SLC35F5: variants seen among roughly 807,000 people sequenced by gnomAD.
The protein encoded by SLC35F5 is solute carrier family 35 member F5.
In SLC35F5, 54 loss-of-function variants were observed where a neutral mutation model predicts 68.6. That is an observed-to-expected ratio of 0.79 (90% CI 0.63 to 0.99). The LOEUF is 0.99. Ranked by LOEUF, SLC35F5 falls within the 50% of genes least tolerant of loss-of-function variation. SLC35F5 has a pLI of 0.00. For synonymous variants in SLC35F5, 211 were observed against 205.2 expected, an observed-to-expected ratio of 1.03 and a Z score of -0.24; for missense variants, 567 against 626.9, an observed-to-expected ratio of 0.90 and a Z score of 1.02.
chr2:113,751,873 T>G (rs931950094), intron 3 of SLC35F5, among the ~76,000 whole-genome samples: 3 of 151,964 alleles, frequency 2.0e-5, no homozygotes, highest in Non-Finnish European at 4.4e-5. Flanking sequence ...GCAGAAAATG[T>G]ACAAGATGGG....
Position 113,708,390 on chromosome 2 carries a change from C to T in SLC35F5, c.*6828G>A, listed in dbSNP as rs1686862284. Among the ~76,000 whole-genome samples, 1 of 152,158 alleles carries T rather than the reference C, an allele frequency of 6.6e-6. No individual in the cohort carries two copies. Among genetic ancestry groups the T allele is most frequent in the African/African-American group, 2.4e-5 (1 of 41,420 alleles). On this transcript the variant is annotated 3_prime_UTR_variant, in exon 16 of 16. Coordinates refer to ENST00000245680, the MANE Select transcript of SLC35F5 (RefSeq NM_025181.5). ...GATTATAAATTCACAATAGTGAACACCCTAGTGACAACTTTTAAATAAAAT... is the reference window on the plus strand; with the variant it reads ...GATTATAAATTCACAATAGTGAACATCCTAGTGACAACTTTTAAATAAAAT...
At chr2:113,732,681 T>C (rs1458197273) in intron 9 of SLC35F5, among the ~76,000 whole-genome samples, 1 of 152,194 alleles carries the variant, frequency 6.6e-6, no homozygotes, top group Non-Finnish European at 1.5e-5. Context: ...TTTGTTTCCA[T>C]TTAAATGATG....
chr2:113,705,104 T>TCTA (rs1686772169), downstream of SLC35F5: 1 of 152,242 alleles, frequency 6.6e-6, no homozygotes, highest in Non-Finnish European at 1.5e-5. Flanking sequence ...TTAAGAAACA[T>TCTA]GGGGCATATA....
At chr2:113,749,772 T>C (rs1438288390) in intron 4 of SLC35F5, among the ~76,000 whole-genome samples, 1 of 152,172 alleles carries the variant, frequency 6.6e-6, no homozygotes, top group Non-Finnish European at 1.5e-5. Context: ...CATTTAAAAA[T>C]AGTTAAAATG....
intron 3 of SLC35F5, among the ~76,000 whole-genome samples, chr2:113,752,418 A>T (rs910380283): frequency 6.6e-6 from 1 of 152,210 alleles, no homozygotes; most frequent in African/African-American, 2.4e-5. Flanking sequence ...AATTGGCATC[A>T]TCTAAAGTGA....
Position 113,719,241 on chromosome 2 carries a change from A to G in SLC35F5, c.1409T>C (p.Leu470Pro). ...ATCCCAATTATTATAATGGCATAGG[A>G]GAGTTACAATAAAAAATGAAAAAAA... ...PVFFSFFIVT[L>P]LCHYNNWDPV... Residue 470 changes from leucine (L) to proline (P), a missense_variant, in exon 14 of 16, where the codon CTC (leucine) becomes CCC (proline). Physicochemically the swap from Leu to Pro is moderately conservative, Grantham distance 98. Transcript: ENST00000245680. 1 of 1,603,306 alleles carries G rather than the reference A, an allele frequency of 6.2e-7. No individual in the cohort carries two copies. Among genetic ancestry groups the G allele is most frequent in the South Asian group, 1.1e-5 (1 of 89,128 alleles).
At chr2:113,752,934 C>T (rs1055243652) in intron 3 of SLC35F5, among the ~76,000 whole-genome samples, 2 of 151,902 alleles carry the variant, frequency 1.3e-5, no homozygotes, top group African/African-American at 2.4e-5. Context: ...GGAAAGAAAT[C>T]GTGGGTGAAA....
chr2:113,737,422 C>T (rs867524607), intron 7 of SLC35F5, among the ~76,000 whole-genome samples: 2 of 152,158 alleles, frequency 1.3e-5, no homozygotes, highest in African/African-American at 4.8e-5. Flanking sequence ...AATGAGTTAA[C>T]AATTGATGGG....
intron 11 of SLC35F5, 128 bp from the exon 12 acceptor site, chr2:113,725,665 GT>G (rs1687631940): frequency 1.2e-6 from 1 of 805,510 alleles, no homozygotes; most frequent in African/African-American, 1.8e-5. Context: ...TAAAACTTCT[GT>G]TGGTTTGTTT....
intron 9 of SLC35F5, chr2:113,733,360 C>A: frequency 2.8e-6 from 1 of 359,734 alleles, no homozygotes; most frequent in Non-Finnish European, 5.7e-6. Context: ...TGTCAAAATA[C>A]TTACAAGTTC....
rs758783800 is a variant in SLC35F5, at chr2:113,746,345, T to C, written c.418-6A>G. The C allele has an allele frequency of 1.9e-6, 3 of 1,608,840 alleles. No individual in the cohort carries two copies. The highest frequency in any genetic ancestry group is 2.2e-5 in the East Asian group (1 of 44,822). ...TAACCTTCAGCATCTGCAAACTAAA[T>C]ACAGATAACAAGATACAAAATTCAA... On this transcript the variant is annotated splice_polypyrimidine_tract_variant and splice_region_variant and intron_variant, in intron 4 of 15. Transcript: ENST00000245680.
chr2:113,721,955 C>T (rs1191555302), intron 13 of SLC35F5, among the ~76,000 whole-genome samples: 4 of 146,190 alleles, frequency 2.7e-5, no homozygotes, highest in East Asian at 3.9e-4. Flanking sequence ...GAGCACTAAG[C>T]ATATTTTGCT....
downstream of SLC35F5, among the ~76,000 whole-genome samples, chr2:113,704,809 G>A (rs1574190129): frequency 6.6e-6 from 1 of 152,100 alleles, no homozygotes. Context: ...CCCGCAAGCT[G>A]GGGGAGCCGC....
At position 113,712,469 on chromosome 2, in the gene SLC35F5, C is replaced by T. The variant is rs1389974334; in HGVS notation, c.*2749G>A. Among the ~76,000 whole-genome samples, 1 of 152,118 alleles carries T rather than the reference C, an allele frequency of 6.6e-6. No individual in the cohort carries two copies. The highest frequency in any genetic ancestry group is 1.5e-5 in the Non-Finnish European group (1 of 68,014). ...GCAGCTGGGACTACAGGCGCCGCCA[C>T]CACGCCCGGCTAATTCTTTGTATTT... On this transcript the variant is annotated 3_prime_UTR_variant, in exon 16 of 16. Coordinates refer to ENST00000245680, the MANE Select transcript of SLC35F5 (RefSeq NM_025181.5).
Position 113,755,512 on chromosome 2 carries a change from TCA to T in SLC35F5, c.71_72del (p.Leu24GlnfsTer11). 6.2e-7 allele frequency: 1 copy of T among 1,614,002 alleles called. No individual in the cohort carries two copies. Among genetic ancestry groups the T allele is most frequent in the Non-Finnish European group, 8.5e-7 (1 of 1,179,992 alleles). On this transcript the variant is annotated frameshift_variant, in exon 2 of 16. Coordinates refer to ENST00000245680, the MANE Select transcript of SLC35F5 (RefSeq NM_025181.5). LOFTEE classifies it high-confidence loss of function. ...GVLSSSPPFR[L>X]RSAKFSGIAL... ...GCAATGCCGGAAAACTTGGCAGATC[TCA>T]GTCTAAAAGGAGGTGAAGAACTCAG...
In SLC35F5 at chr2:113,729,482, C is replaced by A. The variant is rs2104432330; in HGVS notation, c.1009G>T (p.Ala337Ser). The A allele has an allele frequency of 6.3e-7, 1 of 1,592,488 alleles. No homozygotes were observed. The highest frequency in any genetic ancestry group is 8.5e-7 in the Non-Finnish European group (1 of 1,170,242). Residue 337 changes from alanine (A) to serine (S), a missense_variant, in exon 11 of 16, where the codon GCC becomes TCC. Coordinates refer to ENST00000245680, the MANE Select transcript of SLC35F5 (RefSeq NM_025181.5). ...TVGSIWSLAG[A>S]MLYAVYIVMI... Reference sequence around the variant, plus strand: ...ACAATATAGACAGCATAGAGCATGGCTCCAGCAAGAGACCAAATGGAACCT... The same window carrying A: ...ACAATATAGACAGCATAGAGCATGGATCCAGCAAGAGACCAAATGGAACCT...
At chr2:113,732,426 T>TA (rs146375676) in intron 9 of SLC35F5, among the ~76,000 whole-genome samples, 35,055 of 149,206 alleles carry the variant, frequency 0.23, 4,374 homozygotes, top group Middle Eastern at 0.48. Flanking sequence ...TATTGCTAAT[T>TA]AAAAAAAAAA....
chr2:113,733,478 C>A, intron 9 of SLC35F5: 1 of 266,322 alleles, frequency 3.8e-6, no homozygotes, highest in Non-Finnish European at 7.9e-6. Flanking sequence ...ACCTCATTTA[C>A]TTCTCCAATA....
In SLC35F5 at chr2:113,750,661, T is replaced by C. The variant is rs1034169095; in HGVS notation, c.274-93A>G. The stretch of plus-strand genomic sequence containing the variant: ...AAAGTCACTACATGATTTTTAACTC[T>C]TCAGAAGTTCACTTGGAAAGAAAAA... On this transcript the variant is annotated intron_variant, in intron 3 of 15. Transcript: ENST00000245680. 33 of 1,109,638 alleles carry C rather than the reference T, an allele frequency of 3.0e-5. No individual in the cohort carries two copies. The African/African-American group carries it at 4.3e-4, about 15-fold the overall frequency. The allele number at this position is 1,109,638 out of a possible 1,614,324, so 68.7% of individuals were successfully genotyped here. A position where few individuals can be genotyped will look rare whatever the true frequency, so the allele number is the denominator to read the frequency against.
Sources: allele counts gnomAD v4.1 joint callset (sites outside exome capture counted in the v4.1 genomes callset), GRCh38; gene constraint gnomAD v4.1.1; transcripts MANE v1.5; gene names NCBI Gene and HGNC (gene_info 2026-07-23, HGNC 2026-07-21).